Variants in MARCHF10 observed in about 807,000 individuals in gnomAD.
MARCHF10 encodes the protein probable E3 ubiquitin-protein ligase MARCHF10.
In MARCHF10, 64 loss-of-function variants were observed where a neutral mutation model predicts 76.2. That is an observed-to-expected ratio of 0.84 (90% CI 0.69 to 1.03). The LOEUF (loss-of-function observed/expected upper bound fraction) is 1.03, where lower values mean the gene tolerates loss of function less well. Ranked by LOEUF, MARCHF10 falls within the 50% of genes least tolerant of loss-of-function variation. The probability of loss-of-function intolerance (pLI) is 0.00; values close to 1 mark genes in which losing one functional copy is unlikely to be tolerated. For synonymous variants in MARCHF10, 340 were observed against 357.5 expected (o/e 0.95, Z 0.55); for missense variants, 875 against 958.0 (o/e 0.91, Z 1.14).
At chr17:62,799,311 T>C (rs1198174302) in intron 2 of MARCHF10, among the ~76,000 whole-genome samples, 2 of 152,198 alleles carry the variant, frequency 1.3e-5, no homozygotes, top group African/African-American at 2.4e-5. Context: ...ATTTCTATCA[T>C]AGTTTCCTTA....
intron 2 of MARCHF10, chr17:62,794,975 A>G: frequency 1.0e-6 from 1 of 971,718 alleles, no homozygotes. Context: ...CCCTCCAGCT[A>G]GTTTTTTTTC....
intron 4 of MARCHF10, among the ~76,000 whole-genome samples, chr17:62,746,467 C>CAG (rs36009177): frequency 4.0e-5 from 6 of 150,504 alleles, no homozygotes; most frequent in African/African-American, 1.5e-4. Context: ...GACAGAAAGA[C>CAG]AGAGAGAGAG....
intron 10 of MARCHF10, among the ~76,000 whole-genome samples, chr17:62,703,035 T>C (rs1476377576): frequency 2.6e-5 from 4 of 152,200 alleles, no homozygotes; most frequent in Non-Finnish European, 5.9e-5. Context: ...GGAAGTTATT[T>C]GTGCCACTGG....
Position 62,736,652 on chromosome 17 carries a change from T to C in MARCHF10, c.1216A>G (p.Lys406Glu). 1 of 1,614,200 alleles carries C rather than the reference T, an allele frequency of 6.2e-7. No individual in the cohort carries two copies. Among genetic ancestry groups the C allele is most frequent in the Non-Finnish European group, 8.5e-7 (1 of 1,180,030 alleles). ...CCAACCTCTTGTCTGGGCTCGGATT[T>C]GGTGTCCCACGAAAGAGGGCTCTTT... ...AKKSPLSWDT[K>E]SEPRQEVGVN... is the part of the protein sequence containing the mutation. The change falls in exon 6 of 11, where the codon AAA becomes GAA. Residue 406 changes from lysine (K) to glutamate (E), a missense_variant. Coordinates refer to ENST00000311269, the MANE Select transcript of MARCHF10 (RefSeq NM_152598.4).
In MARCHF10 at chr17:62,744,494, C is replaced by T; in HGVS notation, c.417G>A (p.Arg139=). The T allele has an allele frequency of 6.2e-7, 1 of 1,614,154 alleles. No individual in the cohort carries two copies. Among genetic ancestry groups the T allele is most frequent in the Non-Finnish European group, 8.5e-7 (1 of 1,180,034 alleles). ...CTGTAAATCTCCTCAGGTTTGGCTT[C>T]CTCTTTCTTAATAAAACCATTGGTG... is the stretch of plus-strand genomic sequence containing the variant. ...DQAPMVLLRK[R]KPNLRRFTVS... Residue 139 remains arginine, a synonymous_variant, in exon 5 of 11, where the codon AGG becomes AGA. Transcript: ENST00000311269.
At chr17:62,796,009 T>C (rs970337335) in intron 2 of MARCHF10, among the ~76,000 whole-genome samples, 2 of 141,802 alleles carry the variant, frequency 1.4e-5, no homozygotes, top group African/African-American at 2.6e-5. Context: ...CAATTGATCC[T>C]TTTTTTTTTT....
intron 1 of MARCHF10, chr17:62,805,070 G>T (rs1237126073): frequency 2.0e-5 from 3 of 152,198 alleles, no homozygotes; most frequent in Non-Finnish European, 2.9e-5. Context: ...GAAAACTTGT[G>T]CTCGTCTCTT....
chr17:62,789,405 G>A (rs76850742), intron 2 of MARCHF10, among the ~76,000 whole-genome samples: 9,936 of 152,190 alleles, frequency 0.065, 1,076 homozygotes, highest in African/African-American at 0.22. Flanking sequence ...CTACTAAAAA[G>A]CCTGCTGCTG....
intron 10 of MARCHF10, among the ~76,000 whole-genome samples, chr17:62,703,947 G>C (rs1376676352): frequency 6.6e-6 from 1 of 152,182 alleles, no homozygotes; most frequent in African/African-American, 2.4e-5. Context: ...TGGGCACTAG[G>C]GGTCGCCCCT....
chr17:62,705,444 T>C lies in MARCHF10; in HGVS notation c.2371+95A>G, dbSNP rs190884633. On this transcript the variant is annotated intron_variant, in intron 10 of 10. Transcript: ENST00000311269. The stretch of plus-strand genomic sequence containing the variant: ...ATTTTTGCCTCTGGGTGGTGGTCAT[T>C]CCTTCCTTCCATGGCATTTGGTTCC... The C allele has an allele frequency of 1.0e-3, 1,639 of 1,610,048 alleles. 4 individuals are homozygous for C. Among genetic ancestry groups the C allele is most frequent in the Admixed American group, 2.3e-3 (133 of 59,048 alleles).
chr17:62,726,094 A>G (rs763257990), intron 6 of MARCHF10: 1 of 152,268 alleles, frequency 6.6e-6, no homozygotes, highest in Non-Finnish European at 1.5e-5. Flanking sequence ...AACAAATGAC[A>G]TCAGCATTCC....
rs774864045 is a variant in MARCHF10, at chr17:62,736,116, GT to G, written c.1751del (p.Asn584ThrfsTer50). On this transcript the variant is annotated frameshift_variant, in exon 6 of 11. Transcript: ENST00000311269. LOFTEE classifies it high-confidence loss of function. ...CAGACACATGCAAATGGCCTTCTGA[GT>G]TCATTCTTGATGGAGAGGAGCTGGA... ...DSSSSSPSRMNSEGHLHVSGS... is the reference protein window; with the variant it reads ...DSSSSSPSRMXSEGHLHVSGS... The G allele has an allele frequency of 2.4e-4, 382 of 1,614,074 alleles. No individual in the cohort carries two copies. Among genetic ancestry groups the G allele is most frequent in the Non-Finnish European group, 3.2e-4 (372 of 1,180,040 alleles).
chr17:62,757,681 C>T (rs990475089), intron 4 of MARCHF10, among the ~76,000 whole-genome samples: 4 of 152,224 alleles, frequency 2.6e-5, no homozygotes, highest in African/African-American at 9.6e-5. Context: ...AGCCAGGCCA[C>T]AGCCCTGCTG....
rs770187256 is a variant in MARCHF10 at position 62,736,314 on chromosome 17, A to G, written c.1554T>C (p.Asn518=). ...TTTCGGCACTGGCAAATGGAGTCCT[A>G]TTTCTAATGGGAGACAGTGGTTGGC... ...HVCQPLSPIR[N]RTPFASAENH... is the part of the protein sequence containing the mutation. Residue 518 remains asparagine (N), a synonymous_variant, in exon 6 of 11, where the codon AAT becomes AAC. Coordinates refer to ENST00000311269, the MANE Select transcript of MARCHF10 (RefSeq NM_152598.4). 6.2e-7 allele frequency: 1 copy of G among 1,614,182 alleles called. No homozygotes were observed. Among genetic ancestry groups the G allele is most frequent in the South Asian group, 1.1e-5 (1 of 91,086 alleles).
At chr17:62,760,442 C>T (rs895997843) in intron 3 of MARCHF10, among the ~76,000 whole-genome samples, 5 of 152,242 alleles carry the variant, frequency 3.3e-5, no homozygotes, top group South Asian at 4.1e-4. Context: ...GATAGTGTGA[C>T]GGAGGCAGAT....
intron 4 of MARCHF10, among the ~76,000 whole-genome samples, chr17:62,752,791 G>C (rs1036836296): frequency 5.9e-5 from 9 of 151,774 alleles, no homozygotes; most frequent in African/African-American, 2.2e-4. Flanking sequence ...TTTTGCTTTT[G>C]CTCCCGCTCA....
rs2089475258 is a variant in MARCHF10, at chr17:62,704,821, T to G, written c.2371+718A>C. 6.7e-6 allele frequency: 4 copies of G among 594,072 alleles called. No homozygotes were observed. The African/African-American group carries it at 8.1e-5, about 12-fold the overall frequency. The allele number at this position is 594,072 out of a possible 1,614,324, so 36.8% of individuals were successfully genotyped here. A position where few individuals can be genotyped will look rare whatever the true frequency, so the allele number is the denominator to read the frequency against. ...GTTGTGAAATTTTCCCCCAGAAGAATCTCTGGGGACCCAGTTGTCACACAC... is the reference window on the plus strand; with the variant it reads ...GTTGTGAAATTTTCCCCCAGAAGAAGCTCTGGGGACCCAGTTGTCACACAC... On this transcript the variant is annotated intron_variant, in intron 10 of 10. Transcript: ENST00000311269.
At chr17:62,744,296 A>C in intron 5 of MARCHF10, 80 bp downstream of exon 5, 1 of 1,459,306 alleles carries the variant, frequency 6.9e-7, no homozygotes, top group Non-Finnish European at 9.3e-7. Context: ...GTATCTAAAA[A>C]CCATAAAGAA....
At chr17:62,705,186 TC>T in intron 10 of MARCHF10, 12 of 1,218,620 alleles carry the variant, frequency 9.8e-6, no homozygotes, top group Non-Finnish European at 1.2e-5. Flanking sequence ...CCTAGAGGAA[TC>T]CTGGCAGTAA....
Sources: allele counts gnomAD v4.1 joint callset (sites outside exome capture counted in the v4.1 genomes callset), GRCh38; gene constraint gnomAD v4.1.1; transcripts MANE v1.5; gene names NCBI Gene and HGNC (gene_info 2026-07-23, HGNC 2026-07-21).